RABGAP1L: variants seen among roughly 807,000 people sequenced by gnomAD.
RABGAP1L encodes the protein RAB GTPase activating protein 1 like.
A neutral mutation model predicts 137.7 loss-of-function variants in RABGAP1L; 63 were observed. The observed-to-expected ratio is 0.46, with a 90% CI of 0.37 to 0.56. The LOEUF (loss-of-function observed/expected upper bound fraction) is 0.56. Ranked by LOEUF, RABGAP1L falls within the 20% of genes least tolerant of loss-of-function variation. The pLI is 0.00. For synonymous variants in RABGAP1L, 431 were observed against 433.7 expected, an observed-to-expected ratio of 0.99 and a Z score of 0.08; for missense variants, 1,095 against 1,244.0, an observed-to-expected ratio of 0.88 and a Z score of 1.80.
intron 13 of RABGAP1L, among the ~76,000 whole-genome samples, chr1:174,447,896 C>G (rs1571857948): frequency 8.1e-6 from 1 of 123,898 alleles, no homozygotes; most frequent in Admixed American, 8.2e-5. Context: ...TACCGCCCCC[C>G]CCCCACCCCC....
chr1:174,295,280 C>A (rs1436375525), intron 10 of RABGAP1L, among the ~76,000 whole-genome samples: 1 of 150,332 alleles, frequency 6.7e-6, no homozygotes, highest in Non-Finnish European at 1.5e-5. Context: ...GTGGCGCAGT[C>A]ATAGCTAACT....
rs1672215646 is a variant in RABGAP1L at position 174,993,855 on chromosome 1, A to G, written c.*3854A>G. The G allele has an allele frequency of 6.6e-6, 1 of 152,250 alleles. No homozygotes were observed. Among genetic ancestry groups the G allele is most frequent in the Admixed American group, 6.5e-5 (1 of 15,288 alleles). 9.4% of individuals were successfully genotyped at this position (152,250 alleles called of 1,614,324 possible). A position where few individuals can be genotyped will look rare whatever the true frequency, so the allele number is the denominator to read the frequency against. On this transcript the variant is annotated 3_prime_UTR_variant, in exon 26 of 26. Coordinates refer to ENST00000681986, the MANE Select transcript of RABGAP1L (RefSeq NM_001366446.1). ...CCAAAATACTGACTCCTTTTCTCCA[A>G]TTACAAATGAGTGTGAAGAAATTCT...
intron 19 of RABGAP1L, among the ~76,000 whole-genome samples, chr1:174,922,607 C>A (rs987877140): frequency 6.6e-6 from 1 of 152,104 alleles, no homozygotes; most frequent in Admixed American, 6.6e-5. Flanking sequence ...TGAATAAGGA[C>A]CAGGCCTTTG....
chr1:174,822,979 A>G (rs1691199636), intron 19 of RABGAP1L, among the ~76,000 whole-genome samples: 1 of 152,224 alleles, frequency 6.6e-6, no homozygotes, highest in Non-Finnish European at 1.5e-5. Context: ...ATTGATTTAT[A>G]TTTGGGCAAC....
At chr1:174,859,387 G>C (rs1373557090) in intron 19 of RABGAP1L, among the ~76,000 whole-genome samples, 1 of 151,506 alleles carries the variant, frequency 6.6e-6, no homozygotes, top group Non-Finnish European at 1.5e-5. Flanking sequence ...GGAGGCTGAG[G>C]CAGGAGAATG....
At chr1:174,866,245 A>G (rs949608900) in intron 19 of RABGAP1L, among the ~76,000 whole-genome samples, 1 of 145,802 alleles carries the variant, frequency 6.9e-6, no homozygotes, top group Non-Finnish European at 1.6e-5. Flanking sequence ...TTCCCTCTAT[A>G]TCTATCTATA....
intron 15 of RABGAP1L, among the ~76,000 whole-genome samples, chr1:174,684,729 C>T (rs1485051102): frequency 6.6e-6 from 1 of 152,158 alleles, no homozygotes; most frequent in Non-Finnish European, 1.5e-5. Flanking sequence ...GTAATCCCAA[C>T]ACTTTGGGAG....
chr1:174,175,258 G>A (rs1322760724), intron 1 of RABGAP1L, among the ~76,000 whole-genome samples: 3 of 152,060 alleles, frequency 2.0e-5, no homozygotes, highest in Non-Finnish European at 2.9e-5. Context: ...TTAACCACTT[G>A]GGTACCAAGA....
intron 13 of RABGAP1L, among the ~76,000 whole-genome samples, chr1:174,456,669 AAAATT>A (rs1656072838): frequency 2.0e-5 from 3 of 152,154 alleles, no homozygotes; most frequent in Admixed American, 2.0e-4. Flanking sequence ...TAGTTACAGA[AAAATT>A]AAAGGAACTC....
chr1:174,605,567 TG>T (rs1444632819), intron 13 of RABGAP1L, among the ~76,000 whole-genome samples: 1 of 152,212 alleles, frequency 6.6e-6, no homozygotes, highest in African/African-American at 2.4e-5. Flanking sequence ...TGATTCCACT[TG>T]TTCAAAATTT....
rs1660069783 is a variant in RABGAP1L, at chr1:174,911,646, T to G, written c.2341-45811T>G. On this transcript the variant is annotated intron_variant, in intron 19 of 25. Transcript: ENST00000681986. Reference sequence around the variant, plus strand: ...GTATATGTAATCTAATTATTATTGTTATAGAAGTTAAAGCTCCCTTGCTGA... The same window carrying G: ...GTATATGTAATCTAATTATTATTGTGATAGAAGTTAAAGCTCCCTTGCTGA... Among the ~76,000 whole-genome samples the G allele has an allele frequency of 1.3e-5, 2 of 152,208 alleles. 1 individual carries two copies. Among genetic ancestry groups the G allele is most frequent in the South Asian group, 4.1e-4 (2 of 4,828 alleles).
intron 12 of RABGAP1L, among the ~76,000 whole-genome samples, chr1:174,378,616 C>A (rs1031770419): frequency 1.8e-4 from 28 of 152,186 alleles, no homozygotes; most frequent in African/African-American, 5.1e-4. Context: ...GTCCTTCGCC[C>A]ACTTTTTGAT....
chr1:174,717,174 C>T (rs1681089264), intron 17 of RABGAP1L, among the ~76,000 whole-genome samples: 1 of 152,230 alleles, frequency 6.6e-6, no homozygotes, highest in South Asian at 2.1e-4. Context: ...TTTTGGGAGG[C>T]TGAGGTGGGA....
chr1:174,856,894 T>A (rs1649404652), intron 19 of RABGAP1L, among the ~76,000 whole-genome samples: 1 of 151,314 alleles, frequency 6.6e-6, no homozygotes, highest in African/African-American at 2.4e-5. Context: ...CCCACTGCAT[T>A]CCAGCCTGGG....
chr1:174,615,512 CTCAGGGG>C (rs1428050409), intron 13 of RABGAP1L, among the ~76,000 whole-genome samples: 3 of 152,164 alleles, frequency 2.0e-5, no homozygotes, highest in African/African-American at 7.2e-5. Context: ...AGTTAGGCTT[CTCAGGGG>C]TCAGGGGTCA....
chr1:174,411,570 G>A (rs77046695), intron 13 of RABGAP1L, among the ~76,000 whole-genome samples: 3,065 of 151,942 alleles, frequency 0.02, 110 homozygotes, highest in African/African-American at 0.071. Flanking sequence ...TGTTGAGTTT[G>A]GTTTGTTAGT....
At chr1:174,635,582 A>G (rs777524923) in intron 13 of RABGAP1L, among the ~76,000 whole-genome samples, 1 of 152,144 alleles carries the variant, frequency 6.6e-6, no homozygotes, top group Non-Finnish European at 1.5e-5. Context: ...AACTACATTT[A>G]CCTTGGCAAA....
intron 13 of RABGAP1L, among the ~76,000 whole-genome samples, chr1:174,495,331 T>TC (rs1259780787): frequency 6.6e-6 from 1 of 152,016 alleles, no homozygotes; most frequent in East Asian, 1.9e-4. Context: ...ATACTTTTTT[T>TC]CCCCCCAAGT....
intron 19 of RABGAP1L, among the ~76,000 whole-genome samples, chr1:174,822,467 G>C (rs1190342297): frequency 6.6e-6 from 1 of 152,176 alleles, no homozygotes; most frequent in African/African-American, 2.4e-5. Flanking sequence ...ACAGGTCAGA[G>C]CTCCAGATGC....
Sources: gnomAD v4.1 joint callset for allele counts (sites outside exome capture counted in the v4.1 genomes callset) on GRCh38, gnomAD v4.1.1 for gene constraint, MANE v1.5 for transcripts, NCBI Gene and HGNC (gene_info 2026-07-23, HGNC 2026-07-21) for gene names.